The following ABTB3 variants were observed in gnomAD, a reference collection of about 807,000 sequenced individuals.
The protein encoded by ABTB3 is ankyrin repeat and BTB domain containing 3, also known as ankyrin repeat- and BTB/POZ domain-containing protein 3.
the ABTB3 span, among the ~76,000 whole-genome samples, chr12:107,602,259 C>A: frequency 6.6e-6 from 1 of 152,220 alleles, no homozygotes. Flanking sequence ...TTCCTGGGGG[C>A]CAGGCTTTCC....
the ABTB3 span, among the ~76,000 whole-genome samples, chr12:107,609,117 CAGTGCGTGCCTCTGA>C: frequency 6.6e-6 from 1 of 152,162 alleles, no homozygotes; most frequent in African/African-American, 2.4e-5. Context: ...TGTTCTGTAA[CAGTGCGTGCCTCTGA>C]CCCCTCAATC....
chr12:107,527,826 G>C, the ABTB3 span, among the ~76,000 whole-genome samples: 1 of 151,706 alleles, frequency 6.6e-6, no homozygotes, highest in South Asian at 2.1e-4. Context: ...TGTTTCTTTC[G>C]CTTTTTCTCA....
chr12:107,444,463 C>G, the ABTB3 span, among the ~76,000 whole-genome samples: 1 of 152,104 alleles, frequency 6.6e-6, no homozygotes, highest in South Asian at 2.1e-4. Context: ...TTAGCATAGA[C>G]TAGATGCTGA....
At chr12:107,593,956 AG>A in the ABTB3 span, among the ~76,000 whole-genome samples, 1 of 152,212 alleles carries the variant, frequency 6.6e-6, no homozygotes. Context: ...TAGCTGCAAG[AG>A]ATTCTGGGAA....
At chr12:107,561,387 G>A in the ABTB3 span, among the ~76,000 whole-genome samples, 1 of 152,068 alleles carries the variant, frequency 6.6e-6, no homozygotes, top group African/African-American at 2.4e-5. Context: ...CATCCCACAA[G>A]GCACTTTTCA....
At chr12:107,578,667 T>C in the ABTB3 span, among the ~76,000 whole-genome samples, 1 of 152,098 alleles carries the variant, frequency 6.6e-6, no homozygotes, top group Non-Finnish European at 1.5e-5. Flanking sequence ...GTGACAAAAA[T>C]AAGTTCTGCT....
At chr12:107,482,907 T>TTTC in the ABTB3 span, among the ~76,000 whole-genome samples, 20 of 139,484 alleles carry the variant, frequency 1.4e-4, no homozygotes, top group African/African-American at 4.9e-4. Context: ...TCTCTCTCTC[T>TTTC]TTCTTCTTCT....
At chr12:107,522,033 A>G in the ABTB3 span, among the ~76,000 whole-genome samples, 1 of 152,042 alleles carries the variant, frequency 6.6e-6, no homozygotes, top group African/African-American at 2.4e-5. Context: ...AAGGTGGCAG[A>G]CAATTCAGTT....
the ABTB3 span, among the ~76,000 whole-genome samples, chr12:107,645,679 T>A: frequency 1.3e-5 from 2 of 152,182 alleles, no homozygotes; most frequent in Non-Finnish European, 2.9e-5. Flanking sequence ...TGGGACTAAC[T>A]GGGGAGGTTC....
chr12:107,508,438 C>CTTTTTTTTTTTTTTTTTTTTTTTTTTT, the ABTB3 span, among the ~76,000 whole-genome samples: 31 of 69,164 alleles, frequency 4.5e-4, 3 homozygotes, highest in East Asian at 1.1e-3. Context: ...AAGATCATTT[C>CTTTTTTTTTTTTTTTTTTTTTTTTTTT]TTTTTTTTTT....
At chr12:107,525,324 C>CAAAAAAAAAAAAAAAAAAAAAAAAAA in the ABTB3 span, among the ~76,000 whole-genome samples, 25 of 34,890 alleles carry the variant, frequency 7.2e-4, 1 homozygote, top group Non-Finnish European at 9.6e-4. Context: ...AAGATCCTGT[C>CAAAAAAAAAAAAAAAAAAAAAAAAAA]AAAAAAAAAA....
the ABTB3 span, among the ~76,000 whole-genome samples, chr12:107,546,402 C>T: frequency 6.6e-6 from 1 of 152,180 alleles, no homozygotes; most frequent in African/African-American, 2.4e-5. Flanking sequence ...CTGGTCACCC[C>T]AGTCAGAAAA....
chr12:107,558,014 C>T, the ABTB3 span, among the ~76,000 whole-genome samples: 1 of 152,136 alleles, frequency 6.6e-6, no homozygotes, highest in South Asian at 2.1e-4. Context: ...GGGAATGGGA[C>T]AGATCAGGGA....
the ABTB3 span, among the ~76,000 whole-genome samples, chr12:107,555,192 T>A: frequency 6.6e-6 from 1 of 152,028 alleles, no homozygotes; most frequent in Non-Finnish European, 1.5e-5. Flanking sequence ...GGCAAATGAG[T>A]GACAAGCTGT....
chr12:107,633,562 T>C, the ABTB3 span, among the ~76,000 whole-genome samples: 1 of 152,208 alleles, frequency 6.6e-6, no homozygotes, highest in Non-Finnish European at 1.5e-5. Flanking sequence ...CAAGCATGAA[T>C]GTGCATGGGA....
the ABTB3 span, among the ~76,000 whole-genome samples, chr12:107,516,470 G>A: frequency 1.3e-5 from 2 of 152,272 alleles, no homozygotes; most frequent in South Asian, 2.1e-4. Context: ...GACCTCAGGT[G>A]ATCCGCCCAC....
chr12:107,398,309 A>T, the ABTB3 span, among the ~76,000 whole-genome samples: 3 of 152,222 alleles, frequency 2.0e-5, no homozygotes, highest in African/African-American at 7.2e-5. Flanking sequence ...CCTCACTGAG[A>T]TAGAGTCATT....
At chr12:107,459,931 C>T in the ABTB3 span, among the ~76,000 whole-genome samples, 1 of 152,202 alleles carries the variant, frequency 6.6e-6, no homozygotes, top group African/African-American at 2.4e-5. Flanking sequence ...CTCAGTGACT[C>T]TAAAGCAGCC....
At chr12:107,516,549 T>C in the ABTB3 span, among the ~76,000 whole-genome samples, 1 of 152,198 alleles carries the variant, frequency 6.6e-6, no homozygotes, top group Non-Finnish European at 1.5e-5. Flanking sequence ...TCATTATTCA[T>C]TATTTATTTA....
Sources: allele counts gnomAD v4.1 joint callset (sites outside exome capture counted in the v4.1 genomes callset), GRCh38; gene constraint gnomAD v4.1.1; transcripts MANE v1.5; gene names NCBI Gene and HGNC (gene_info 2026-07-23, HGNC 2026-07-21).